The following VSTM5 variants were observed in gnomAD, a reference collection of about 807,000 sequenced individuals.
The protein encoded by VSTM5 is V-set and transmembrane domain containing 5, also known as V-set and transmembrane domain-containing protein 5.
VSTM5 carries 21 observed loss-of-function variants against 20.3 expected under a neutral mutation model. That is an observed-to-expected ratio of 1.03 (90% confidence interval 0.73 to 1.49). The LOEUF (loss-of-function observed/expected upper bound fraction) is 1.49. Among genes scored for constraint, VSTM5 ranks in the 40% most tolerant of loss-of-function variants. VSTM5 has a pLI of 0.00. For synonymous variants in VSTM5, 100 were observed against 102.5 expected, an observed-to-expected ratio of 0.98 and a Z score of 0.14; for missense variants, 219 against 250.0, an observed-to-expected ratio of 0.88 and a Z score of 0.84.
At position 93,820,737 on chromosome 11, in the gene VSTM5, G is replaced by A; in HGVS notation, c.559+6C>T. On this transcript the variant is annotated splice_donor_region_variant and intron_variant, in intron 3 of 3. Transcript: ENST00000409977. ...TCATGGATTATCACAAGGCCCAGGG[G>A]GTTACCTTTGAGTTTGTGTCTTCTC... The A allele has an allele frequency of 2.6e-6, 4 of 1,551,680 alleles. No homozygotes were observed. The highest frequency in any genetic ancestry group is 3.5e-6 in the Non-Finnish European group (4 of 1,146,998).
chr11:93,824,690 AT>A (rs1445125864), intron 1 of VSTM5, among the ~76,000 whole-genome samples: 4 of 152,096 alleles, frequency 2.6e-5, no homozygotes, highest in Non-Finnish European at 5.9e-5. Flanking sequence ...CCACTTACTC[AT>A]TTTTGGTTTT....
At chr11:93,834,582 A>T (rs970992758) in intron 1 of VSTM5, among the ~76,000 whole-genome samples, 2 of 82,158 alleles carry the variant, frequency 2.4e-5, no homozygotes, top group African/African-American at 1.0e-4. Context: ...TTCGAGACTA[A>T]CTTGGCCAAC....
At chr11:93,821,802 G>T in intron 1 of VSTM5, 1 of 160,704 alleles carries the variant, frequency 6.2e-6, no homozygotes, top group Non-Finnish European at 1.4e-5. Context: ...AGACCTTGGA[G>T]GGTGGGAATC....
intron 1 of VSTM5, among the ~76,000 whole-genome samples, chr11:93,837,011 G>GCGCACA (rs1555038042): frequency 3.6e-5 from 5 of 140,742 alleles, no homozygotes; most frequent in Admixed American, 1.4e-4. Context: ...AAAAAAAAAT[G>GCGCACA]CACACACACA....
At position 93,819,584 on chromosome 11, in the gene VSTM5, T is replaced by G. The variant is rs950112646; in HGVS notation, c.*985A>C. 2.0e-5 allele frequency: 3 copies of G among 152,352 alleles called. No homozygotes were observed. The highest frequency in any genetic ancestry group is 7.2e-5 in the African/African-American group (3 of 41,468). 9.4% of individuals were successfully genotyped at this position (152,352 alleles called of 1,614,324 possible). Reference sequence around the variant, plus strand: ...TGTGGGCTTCTCTTGATACTCTGACTGTGAGGTAGGCAAGGGCCAAGCGTT... The same window carrying G: ...TGTGGGCTTCTCTTGATACTCTGACGGTGAGGTAGGCAAGGGCCAAGCGTT... On this transcript the variant is annotated 3_prime_UTR_variant, in exon 4 of 4. Coordinates refer to ENST00000409977, the MANE Select transcript of VSTM5 (RefSeq NM_001144871.2).
chr11:93,850,370 A>G (rs944200293), intron 1 of VSTM5, 42 bp downstream of exon 1: 51 of 1,382,534 alleles, frequency 3.7e-5, no homozygotes, highest in Non-Finnish European at 4.9e-5. Flanking sequence ...CCCCCTACCC[A>G]TTCCCGCTCC....
At chr11:93,847,274 T>C (rs977918490) in intron 1 of VSTM5, among the ~76,000 whole-genome samples, 2 of 152,186 alleles carry the variant, frequency 1.3e-5, no homozygotes, top group African/African-American at 4.8e-5. Context: ...GATGGCAGCG[T>C]TGGGCAGCTG....
In VSTM5 at chr11:93,818,540, G is replaced by C. The variant is rs1565297694; in HGVS notation, c.*2029C>G. 1 of 135,388 alleles carries C rather than the reference G, an allele frequency of 7.4e-6. No homozygotes were observed. The highest frequency in any genetic ancestry group is 7.5e-5 in the Admixed American group (1 of 13,250). The allele number at this position is 135,388 out of a possible 1,614,324, so 8.4% of individuals were successfully genotyped here. A position where few individuals can be genotyped will look rare whatever the true frequency, so the allele number is the denominator to read the frequency against. On this transcript the variant is annotated 3_prime_UTR_variant, in exon 4 of 4. Transcript: ENST00000409977. ...AACTGTCATGAGATTTGGGCGGGGG[G>C]GCAATTTAATTGACATCTGCCATGG...
chr11:93,836,013 C>T (rs1194034818), intron 1 of VSTM5, among the ~76,000 whole-genome samples: 1 of 152,162 alleles, frequency 6.6e-6, no homozygotes, highest in Admixed American at 6.5e-5. Flanking sequence ...ATTTGGTCGT[C>T]TGGTGTCCCC....
intron 1 of VSTM5, chr11:93,821,908 T>TGAC (rs1944189948): frequency 6.6e-6 from 1 of 152,492 alleles, no homozygotes; most frequent in South Asian, 2.1e-4. Flanking sequence ...AATAAGTGAA[T>TGAC]GACCAAATAT....
intron 1 of VSTM5, among the ~76,000 whole-genome samples, chr11:93,830,459 G>T (rs75238075): frequency 7.1e-6 from 1 of 141,474 alleles, no homozygotes; most frequent in East Asian, 1.9e-4. Context: ...CCGCAAGATC[G>T]TTCGTTATAG....
chr11:93,849,271 C>T (rs918505928), intron 1 of VSTM5, among the ~76,000 whole-genome samples: 11 of 152,184 alleles, frequency 7.2e-5, no homozygotes, highest in Admixed American at 5.2e-4. Flanking sequence ...TCAGCTCCCC[C>T]GCCGCCCACC....
intron 1 of VSTM5, among the ~76,000 whole-genome samples, chr11:93,835,492 C>T (rs577356002): frequency 6.6e-6 from 1 of 152,222 alleles, no homozygotes; most frequent in East Asian, 1.9e-4. Flanking sequence ...TTAGTTATAG[C>T]AACCAAAAAT....
intron 1 of VSTM5, among the ~76,000 whole-genome samples, chr11:93,839,297 C>T (rs1050225595): frequency 1.3e-5 from 2 of 152,190 alleles, no homozygotes; most frequent in Non-Finnish European, 2.9e-5. Context: ...ACTGGGCTCC[C>T]GTGGCCCAGG....
chr11:93,847,666 C>T (rs7937916), intron 1 of VSTM5, among the ~76,000 whole-genome samples: 19,959 of 152,228 alleles, frequency 0.13, 1,391 homozygotes, highest in African/African-American at 0.16. Flanking sequence ...TACTCGTGAG[C>T]CTGATGGCTA....
rs2276024 is a variant in VSTM5, at chr11:93,818,534, C to G, written c.*2035G>C. 0.83 allele frequency: 108,937 copies of G among 130,952 alleles called. 46,079 individuals carry two copies. Among genetic ancestry groups the G allele is most frequent in the Admixed American group, 0.9 (11,113 of 12,300 alleles). The allele number at this position is 130,952 out of a possible 1,614,324, so 8.1% of individuals were successfully genotyped here. On this transcript the variant is annotated 3_prime_UTR_variant, in exon 4 of 4. Coordinates refer to ENST00000409977, the MANE Select transcript of VSTM5 (RefSeq NM_001144871.2). ...TGAATAAACTGTCATGAGATTTGGG[C>G]GGGGGGGCAATTTAATTGACATCTG...
chr11:93,821,108 C>T lies in VSTM5; in HGVS notation c.307G>A (p.Gly103Ser), dbSNP rs1355079211. Residue 103 changes from glycine to serine, a missense_variant, in exon 2 of 4, where the codon GGC becomes AGC. Physicochemically the swap from Gly to Ser is moderately conservative, Grantham distance 56. Coordinates refer to ENST00000409977, the MANE Select transcript of VSTM5 (RefSeq NM_001144871.2). ...HKDRVCTFDN[G>S]SIQLFSVGVR... The stretch of plus-strand genomic sequence containing the variant: ...CCCACGCTGAAGAGCTGGATGGAGC[C>T]GTTGTCAAAGGTGCAGACTCTGTCC... The T allele has an allele frequency of 5.2e-6, 8 of 1,551,810 alleles. No homozygotes were observed. The highest frequency in any genetic ancestry group is 2.4e-5 in the South Asian group (2 of 84,062).
chr11:93,837,953 G>T (rs1185966378), intron 1 of VSTM5, among the ~76,000 whole-genome samples: 3 of 151,926 alleles, frequency 2.0e-5, no homozygotes, highest in African/African-American at 7.3e-5. Flanking sequence ...CAAGAGATCT[G>T]CTGGTGGGTG....
In VSTM5 at chr11:93,846,039, G is replaced by T. The variant is rs528627044; in HGVS notation, c.91+4373C>A. ...TTTTGTGGGTTTGTTTTAGAGACAG[G>T]GTCTCACTGTGTTGCCCAGGCTGGT... On this transcript the variant is annotated intron_variant, in intron 1 of 3. Transcript: ENST00000409977. Among the ~76,000 whole-genome samples, 6 of 152,264 alleles carry T rather than the reference G, an allele frequency of 3.9e-5. No homozygotes were observed. The South Asian group carries it at 1.2e-3, about 32-fold the overall frequency.
Sources: allele counts gnomAD v4.1 joint callset (sites outside exome capture counted in the v4.1 genomes callset), GRCh38; gene constraint gnomAD v4.1.1; transcripts MANE v1.5; gene names NCBI Gene and HGNC (gene_info 2026-07-23, HGNC 2026-07-21).